TRAPPC9: variants seen among roughly 807,000 people sequenced by gnomAD.
TRAPPC9 encodes the protein IKK2 binding protein.
TRAPPC9 carries 83 observed loss-of-function variants against 124.0 expected under a neutral mutation model. The ratio of observed to expected loss-of-function variants is 0.67; its 90% CI spans 0.56 to 0.80. The LOEUF (loss-of-function observed/expected upper bound fraction) is 0.80. Among genes scored for constraint, TRAPPC9 ranks in the 30% least tolerant of loss-of-function variants. TRAPPC9 has a pLI of 0.00. For synonymous variants in TRAPPC9, 638 were observed against 617.5 expected, an observed-to-expected ratio of 1.03 and a Z score of -0.49; for missense variants, 1,302 against 1,508.3, an observed-to-expected ratio of 0.86 and a Z score of 2.27.
intron 17 of TRAPPC9, among the ~76,000 whole-genome samples, chr8:140,151,618 T>C (rs1400076392): frequency 6.6e-6 from 1 of 152,214 alleles, no homozygotes; most frequent in African/African-American, 2.4e-5. Context: ...AACCTCATTT[T>C]ACCTGGATGA....
intron 17 of TRAPPC9, among the ~76,000 whole-genome samples, chr8:140,052,941 T>C (rs1264828400): frequency 2.0e-5 from 3 of 152,132 alleles, no homozygotes; most frequent in African/African-American, 4.8e-5. Context: ...AGTGAGACCC[T>C]GTCTCAAAAT....
At chr8:140,296,260 C>G (rs1395049445) in intron 11 of TRAPPC9, among the ~76,000 whole-genome samples, 1 of 152,136 alleles carries the variant, frequency 6.6e-6, no homozygotes, top group Non-Finnish European at 1.5e-5. Flanking sequence ...GAATCTTTGA[C>G]AATGTCTTTT....
chr8:140,362,367 A>T (rs2067981526), intron 8 of TRAPPC9, among the ~76,000 whole-genome samples: 1 of 152,196 alleles, frequency 6.6e-6, no homozygotes, highest in Non-Finnish European at 1.5e-5. Flanking sequence ...CAAAAAAACC[A>T]ATAAAGTAAA....
rs1160779370 is a variant in TRAPPC9, at chr8:140,311,258, G to C, written c.1612C>G (p.Pro538Ala). 2.5e-6 allele frequency: 4 copies of C among 1,611,598 alleles called. No homozygotes were observed. The stretch of plus-strand genomic sequence containing the variant: ...CAGTGCCCATCTCACCTGACGATGG[G>C]AAGCTTGGTGAAGGGCACCGGTGGC... ...TLPPVPFTKLPIVRHVKLLNL... is the reference protein window; with the variant it reads ...TLPPVPFTKLAIVRHVKLLNL... Residue 538 changes from proline to alanine, a missense_variant, in exon 10 of 23, where the codon CCC becomes GCC. Pro to Ala is a conservative substitution (Grantham distance 27). Around this residue, in one of 3 missense-constraint regions of TRAPPC9, gnomAD observed 657 missense variants for 811.2 expected, o/e 0.81. Coordinates refer to ENST00000438773, the MANE Select transcript of TRAPPC9 (RefSeq NM_001160372.4).
chr8:140,036,389 C>T (rs1054331891), intron 17 of TRAPPC9, among the ~76,000 whole-genome samples: 2 of 152,060 alleles, frequency 1.3e-5, no homozygotes, highest in Admixed American at 6.6e-5. Flanking sequence ...GCTCCGCACA[C>T]GTGCTGCCAT....
chr8:139,977,446 G>A (rs762285992), intron 19 of TRAPPC9, among the ~76,000 whole-genome samples: 82 of 151,824 alleles, frequency 5.4e-4, no homozygotes, highest in African/African-American at 1.9e-3. Flanking sequence ...GTGAAACCCC[G>A]TCTCTAGTAA....
chr8:140,143,567 T>G (rs2061412616), intron 17 of TRAPPC9, among the ~76,000 whole-genome samples: 1 of 152,224 alleles, frequency 6.6e-6, no homozygotes, highest in Non-Finnish European at 1.5e-5. Flanking sequence ...CTGATCAATC[T>G]TTTCCTTCCT....
At chr8:140,305,305 T>C (rs2066095967) in intron 10 of TRAPPC9, among the ~76,000 whole-genome samples, 1 of 152,200 alleles carries the variant, frequency 6.6e-6, no homozygotes, top group African/African-American at 2.4e-5. Flanking sequence ...TTGTTCTTTT[T>C]TTTGAGAGAG....
At chr8:140,410,733 C>G (rs1351737243) in intron 5 of TRAPPC9, among the ~76,000 whole-genome samples, 1 of 151,818 alleles carries the variant, frequency 6.6e-6, no homozygotes, top group Non-Finnish European at 1.5e-5. Flanking sequence ...GTCCCAGCTA[C>G]TCGGGAGGCT....
At chr8:140,039,646 A>T (rs1344493771) in intron 17 of TRAPPC9, 1 of 152,212 alleles carries the variant, frequency 6.6e-6, no homozygotes, top group Non-Finnish European at 1.5e-5. Flanking sequence ...TTGATAAAAA[A>T]CTTGATGTAT....
At chr8:140,118,999 G>C (rs1587744367) in intron 17 of TRAPPC9, among the ~76,000 whole-genome samples, 1 of 152,212 alleles carries the variant, frequency 6.6e-6, no homozygotes. Flanking sequence ...ACCGTCAAGG[G>C]TCTTCATTTA....
chr8:140,058,041 C>T (rs933593522), intron 17 of TRAPPC9, among the ~76,000 whole-genome samples: 1 of 152,170 alleles, frequency 6.6e-6, no homozygotes, highest in African/African-American at 2.4e-5. Flanking sequence ...GCATTGCATA[C>T]AGAAGTGCTC....
chr8:140,450,990 C>T lies in TRAPPC9; in HGVS notation c.384G>A (p.Pro128=), dbSNP rs140509196. The T allele has an allele frequency of 3.9e-5, 63 of 1,614,152 alleles. No individual in the cohort carries two copies. The African/African-American group carries it at 7.1e-4, about 18-fold the overall frequency. ...FGLQGEIVEQ[P]RTDVAFYPNY... is the part of the protein sequence containing the mutation. Reference sequence around the variant, plus strand: ...TGGGGTAGAAAGCCACGTCGGTGCGCGGCTGCTCCACGATCTCCCCCTGCA... The same window carrying T: ...TGGGGTAGAAAGCCACGTCGGTGCGTGGCTGCTCCACGATCTCCCCCTGCA... Residue 128 remains proline, a synonymous_variant, in exon 2 of 23, where the codon CCG becomes CCA. Transcript: ENST00000438773.
At chr8:140,393,032 T>TTTTTTTTTATTTTATTTTTTTTTA (rs574235886) in intron 7 of TRAPPC9, among the ~76,000 whole-genome samples, 8 of 138,096 alleles carry the variant, frequency 5.8e-5, no homozygotes, top group African/African-American at 2.2e-4. Context: ...TCCCATTTTA[T>TTTTTTTTTATTTTATTTTTTTTTA]TTTTATTTTA....
At chr8:139,882,590 C>G (rs1482646938) in intron 21 of TRAPPC9, among the ~76,000 whole-genome samples, 2 of 152,186 alleles carry the variant, frequency 1.3e-5, no homozygotes, top group Admixed American at 1.3e-4. Flanking sequence ...GGCCAGTATG[C>G]ATCTGCGCAG....
chr8:139,828,876 C>T (rs1030840080), intron 21 of TRAPPC9, among the ~76,000 whole-genome samples: 3 of 152,108 alleles, frequency 2.0e-5, no homozygotes, highest in African/African-American at 4.8e-5. Flanking sequence ...ACATGCAATC[C>T]GAGGGAGGGC....
intron 7 of TRAPPC9, among the ~76,000 whole-genome samples, chr8:140,380,066 C>T (rs2068557965): frequency 6.6e-6 from 1 of 152,144 alleles, no homozygotes; most frequent in Non-Finnish European, 1.5e-5. Flanking sequence ...TCCCAGCTGA[C>T]TTATTTGGAG....
chr8:140,231,397 G>A (rs2063589476), intron 16 of TRAPPC9, among the ~76,000 whole-genome samples: 1 of 147,730 alleles, frequency 6.8e-6, no homozygotes, highest in African/African-American at 2.5e-5. Flanking sequence ...CCATCTTCCA[G>A]CAAAAAGAGA....
rs759209640 is a variant in TRAPPC9 at position 139,910,182 on chromosome 8, C to T, written c.2929G>A (p.Glu977Lys). The T allele has an allele frequency of 4.3e-6, 7 of 1,613,896 alleles. No individual in the cohort carries two copies. The change falls in exon 20 of 23, where the codon GAG becomes AAG. Residue 977 changes from glutamate (E) to lysine (K), a missense_variant. Physicochemically the swap from Glu to Lys is moderately conservative, Grantham distance 56. Around this residue, in one of 3 missense-constraint regions of TRAPPC9, gnomAD observed 640 missense variants for 679.3 expected, o/e 0.94. Coordinates refer to ENST00000438773, the MANE Select transcript of TRAPPC9 (RefSeq NM_001160372.4). ...CAGATGCCCAGCTTGCTGTGGATCT[C>T]CAGGCCTCGGGCTTCCCGCCGCTCT... Reference protein sequence around the residue: ...EEERREARGLEIHSKLGICWR... With the variant: ...EEERREARGLKIHSKLGICWR...
Sources: gnomAD v4.1 joint callset for allele counts (sites outside exome capture counted in the v4.1 genomes callset) on GRCh38, gnomAD v4.1.1 for gene constraint, gnomAD v4.1.1 regional missense constraint, MANE v1.5 for transcripts, NCBI Gene and HGNC (gene_info 2026-07-23, HGNC 2026-07-21) for gene names.